CPAMD8: variants seen among roughly 807,000 people sequenced by gnomAD.
CPAMD8 encodes the protein C3 and PZP-like alpha-2-macroglobulin domain-containing protein 8.
CPAMD8 carries 146 observed loss-of-function variants against 224.7 expected under a neutral mutation model. The ratio of observed to expected loss-of-function variants is 0.65; its 90% CI spans 0.57 to 0.75. The LOEUF (loss-of-function observed/expected upper bound fraction) is 0.75. CPAMD8 is among the 30% of genes least tolerant of loss of function. The probability of loss-of-function intolerance (pLI) is 0.00; values close to 1 mark genes in which losing one functional copy is unlikely to be tolerated. For missense variants in CPAMD8, 2,301 were observed against 2,537.5 expected, an observed-to-expected ratio of 0.91 and a Z score of 2.00; for synonymous variants, 966 against 1,044.6, an observed-to-expected ratio of 0.92 and a Z score of 1.45.
At chr19:16,942,619 G>A (rs2053939691) in intron 22 of CPAMD8, among the ~76,000 whole-genome samples, 1 of 152,202 alleles carries the variant, frequency 6.6e-6, no homozygotes, top group South Asian at 2.1e-4. Context: ...GGCCCCTCAT[G>A]GTTTCTGGGT....
chr19:17,005,662 G>A (rs2123083235), intron 7 of CPAMD8, among the ~76,000 whole-genome samples: 1 of 152,276 alleles, frequency 6.6e-6, no homozygotes, highest in South Asian at 2.1e-4. Flanking sequence ...CATATGGGGA[G>A]GGCCATACAG....
chr19:17,011,431 C>A (rs1555790467), intron 5 of CPAMD8, 33 bp downstream of exon 5: 3 of 1,613,994 alleles, frequency 1.9e-6, no homozygotes, highest in Non-Finnish European at 2.5e-6. Context: ...AGTGGGTGCA[C>A]TCCGGGCCCG....
chr19:16,895,139 G>C (rs951102643), intron 41 of CPAMD8: 1 of 152,772 alleles, frequency 6.5e-6, no homozygotes, highest in African/African-American at 2.4e-5. Context: ...GCCTGGCATG[G>C]TGGCTCATGC....
intron 3 of CPAMD8, among the ~76,000 whole-genome samples, chr19:17,015,444 G>A (rs539257000): frequency 6.6e-6 from 1 of 152,084 alleles, no homozygotes; most frequent in South Asian, 2.1e-4. Flanking sequence ...TGTGGGTGAG[G>A]TCGGGGTGCA....
intron 13 of CPAMD8, among the ~76,000 whole-genome samples, chr19:16,985,469 T>C (rs573976038): frequency 1.6e-4 from 22 of 135,156 alleles, no homozygotes; most frequent in African/African-American, 6.2e-4. Context: ...GATGGATGGA[T>C]GGATGAAGGG....
At chr19:16,994,469 C>G (rs978351593) in intron 11 of CPAMD8, among the ~76,000 whole-genome samples, 5 of 149,952 alleles carry the variant, frequency 3.3e-5, no homozygotes, top group Admixed American at 6.7e-5. Context: ...TATCTGGTGA[C>G]GGAGTGAACC....
At position 16,954,178 on chromosome 19, in the gene CPAMD8, C is replaced by T. The variant is rs563755734; in HGVS notation, c.2277-1978G>A. Among the ~76,000 whole-genome samples, 5 of 151,712 alleles carry T rather than the reference C, an allele frequency of 3.3e-5. No homozygotes were observed. The East Asian group carries it at 7.8e-4, about 24-fold the overall frequency. The stretch of plus-strand genomic sequence containing the variant: ...TGAAACCCCGTCTCTACTAAAAATA[C>T]GAAAATTAGCCAGGTGTGGTGGTGC... On this transcript the variant is annotated intron_variant, in intron 19 of 41. Coordinates refer to ENST00000443236, the MANE Select transcript of CPAMD8 (RefSeq NM_015692.5).
At chr19:16,981,513 G>A (rs1471933066) in intron 13 of CPAMD8, among the ~76,000 whole-genome samples, 1 of 152,160 alleles carries the variant, frequency 6.6e-6, no homozygotes, top group African/African-American at 2.4e-5. Context: ...CTGAGGCCTT[G>A]GTTCTTTGCC....
At chr19:16,935,653 G>A (rs950850381) in intron 23 of CPAMD8, among the ~76,000 whole-genome samples, 1 of 152,158 alleles carries the variant, frequency 6.6e-6, no homozygotes, top group Non-Finnish European at 1.5e-5. Flanking sequence ...ACCTGCTGAA[G>A]GACATCCGGG....
At chr19:16,960,129 A>G (rs960695356) in intron 18 of CPAMD8, among the ~76,000 whole-genome samples, 1 of 151,994 alleles carries the variant, frequency 6.6e-6, no homozygotes, top group Non-Finnish European at 1.5e-5. Flanking sequence ...TCTGTTTCCT[A>G]AGGAGTGCCT....
At chr19:16,906,506 T>C (rs1448099404) in intron 30 of CPAMD8, among the ~76,000 whole-genome samples, 1 of 150,606 alleles carries the variant, frequency 6.6e-6, no homozygotes, top group Non-Finnish European at 1.5e-5. Context: ...TGGGTTCAAG[T>C]GATTCTTGTG....
At chr19:16,983,500 T>G (rs1219137527) in intron 13 of CPAMD8, among the ~76,000 whole-genome samples, 1 of 152,072 alleles carries the variant, frequency 6.6e-6, no homozygotes, top group Admixed American at 6.6e-5. Context: ...GAAAACGGAC[T>G]AATATACTGA....
intron 7 of CPAMD8, among the ~76,000 whole-genome samples, chr19:17,005,371 G>T (rs1298830645): frequency 2.0e-5 from 3 of 151,970 alleles, no homozygotes; most frequent in Non-Finnish European, 4.4e-5. Flanking sequence ...GGGCAGAATC[G>T]CCTGTCCGAC....
At chr19:16,946,196 T>A (rs2054074452) in intron 21 of CPAMD8, among the ~76,000 whole-genome samples, 1 of 151,406 alleles carries the variant, frequency 6.6e-6, no homozygotes, top group African/African-American at 2.4e-5. Context: ...TGTGTGCATG[T>A]CTGCATGTGC....
At chr19:17,004,042 A>G (rs1014224923) in intron 8 of CPAMD8, among the ~76,000 whole-genome samples, 1 of 151,706 alleles carries the variant, frequency 6.6e-6, no homozygotes, top group Non-Finnish European at 1.5e-5. Flanking sequence ...AGTAGCTGGG[A>G]CCACAGGTGC....
intron 18 of CPAMD8, among the ~76,000 whole-genome samples, chr19:16,970,095 A>G (rs1045932479): frequency 6.7e-6 from 1 of 149,256 alleles, no homozygotes; most frequent in Non-Finnish European, 1.5e-5. Flanking sequence ...AAAAAAAATT[A>G]GCGGGGTGTG....
rs35096930 is a variant in CPAMD8, at chr19:16,898,144, CTTTTTTTT to C, written c.4849-158_4849-151del. On this transcript the variant is annotated intron_variant, in intron 37 of 41. Coordinates refer to ENST00000443236, the MANE Select transcript of CPAMD8 (RefSeq NM_015692.5). This position sits in a 1 kb window ranked among gnomAD's most constrained non-coding sequence, Gnocchi z 4.2. ...CATTTTCTTTTTTTCTTTTACTTTT[CTTTTTTTT>C]TTTTTTTCCTGAGACAGAGTCTCGC... 1.9e-6 allele frequency: 1 copy of C among 526,044 alleles called. No individual in the cohort carries two copies. The allele number at this position is 526,044 out of a possible 1,614,324, so 32.6% of individuals were successfully genotyped here.
chr19:16,939,198 T>C (rs2053801412), intron 22 of CPAMD8, among the ~76,000 whole-genome samples: 1 of 81,994 alleles, frequency 1.2e-5, no homozygotes, highest in Admixed American at 1.3e-4. Flanking sequence ...TATCTATCTA[T>C]CTATGTATCT....
At chr19:17,017,549 C>A (rs138309774) in intron 3 of CPAMD8, among the ~76,000 whole-genome samples, 1 of 152,138 alleles carries the variant, frequency 6.6e-6, no homozygotes. Flanking sequence ...AGGGATCCTG[C>A]GCATTGTAAG....
Sources: allele counts gnomAD v4.1 joint callset (sites outside exome capture counted in the v4.1 genomes callset), GRCh38; gene constraint gnomAD v4.1.1; non-coding constraint Gnocchi (gnomAD v3.1); transcripts MANE v1.5; gene names NCBI Gene and HGNC (gene_info 2026-07-23, HGNC 2026-07-21).